B4GALT6: variants seen among roughly 807,000 people sequenced by gnomAD.
The protein encoded by B4GALT6 is beta-1,4-galactosyltransferase 6, also known as UDP-Gal:beta-GlcNAc beta-1,4-galactosyltransferase 6.
A neutral mutation model predicts 46.3 loss-of-function variants in B4GALT6; 14 were observed. The ratio of observed to expected loss-of-function variants is 0.30; its 90% CI spans 0.20 to 0.47. B4GALT6 has a LOEUF of 0.47. Ranked by LOEUF, B4GALT6 falls within the 20% of genes least tolerant of loss-of-function variation. The pLI, the probability that B4GALT6 is intolerant of heterozygous loss-of-function variation, is 0.99. For synonymous variants in B4GALT6, 168 were observed against 162.0 expected (o/e 1.04, Z -0.28); for missense variants, 386 against 480.1 (o/e 0.80, Z 1.83).
rs35690268 is a variant in B4GALT6, at chr18:31,659,949, CTT to C, written c.233-1862_233-1861del. On this transcript the variant is annotated intron_variant, in intron 2 of 8. Transcript: ENST00000306851. ...GTCCAATAAAGTTCTGATTCTTTTC[CTT>C]TTTTTTTTTTTTTTTTTTTGAGACA... Among the ~76,000 whole-genome samples the C allele has an allele frequency of 6.5e-3, 794 of 122,674 alleles. 5 individuals are homozygous for C. Among genetic ancestry groups the C allele is most frequent in the African/African-American group, 0.023 (705 of 30,438 alleles). The allele number at this position is 122,674 out of a possible 152,430, so 80.5% of individuals were successfully genotyped here.
chr18:31,702,889 A>T, the B4GALT6 span, among the ~76,000 whole-genome samples: 10 of 152,186 alleles, frequency 6.6e-5, no homozygotes, highest in African/African-American at 2.4e-4. Context: ...AATGGGAGGT[A>T]TGCAGCACAA....
the B4GALT6 span, among the ~76,000 whole-genome samples, chr18:31,709,546 G>GAC: frequency 4.8e-5 from 6 of 124,474 alleles, no homozygotes; most frequent in African/African-American, 1.9e-4. Flanking sequence ...GGATCAATAG[G>GAC]ATATATATGT....
At chr18:31,657,051 G>C (rs1012050317) in intron 3 of B4GALT6, among the ~76,000 whole-genome samples, 5 of 152,146 alleles carry the variant, frequency 3.3e-5, no homozygotes, top group Middle Eastern at 3.2e-3. Flanking sequence ...TTTGCTGTTA[G>C]GGATATAAAT....
rs577816414 is a variant in B4GALT6 at position 31,666,802 on chromosome 18, CATA to C, written c.116-433_116-431del. Among the ~76,000 whole-genome samples the C allele has an allele frequency of 3.6e-3, 552 of 152,110 alleles. 2 individuals are homozygous for C. Among genetic ancestry groups the C allele is most frequent in the African/African-American group, 0.013 (527 of 41,502 alleles). On this transcript the variant is annotated intron_variant, in intron 1 of 8. Transcript: ENST00000306851. ...AAAAGCTAGGATTCCTTATAAATCC[CATA>C]ATATCTAGTAGGAATAAAGATCTTG...
At chr18:31,642,809 C>T (rs1007818420) in intron 4 of B4GALT6, among the ~76,000 whole-genome samples, 4 of 152,152 alleles carry the variant, frequency 2.6e-5, no homozygotes, top group Admixed American at 1.3e-4. Flanking sequence ...CTCAGCCTCC[C>T]GAGTAGCTGG....
At chr18:31,687,767 C>T (rs1186015335), upstream of B4GALT6, among the ~76,000 whole-genome samples, 1 of 152,036 alleles carries the variant, frequency 6.6e-6, no homozygotes, top group Non-Finnish European at 1.5e-5. Flanking sequence ...GGGTATCAAA[C>T]TGAATAAATT....
chr18:31,681,208 C>T (rs767870382), intron 1 of B4GALT6, among the ~76,000 whole-genome samples: 3 of 152,162 alleles, frequency 2.0e-5, no homozygotes, highest in Non-Finnish European at 4.4e-5. Flanking sequence ...AAAATGACTA[C>T]GTTATATTGG....
the B4GALT6 span, among the ~76,000 whole-genome samples, chr18:31,710,048 T>C: frequency 6.7e-6 from 1 of 149,946 alleles, no homozygotes; most frequent in African/African-American, 2.5e-5. Flanking sequence ...TGAGCTGAGA[T>C]CATGCCATTG....
chr18:31,717,727 G>T, the B4GALT6 span, among the ~76,000 whole-genome samples: 1 of 152,122 alleles, frequency 6.6e-6, no homozygotes, highest in Non-Finnish European at 1.5e-5. Flanking sequence ...GGCCGAGGCA[G>T]GCGGATCACC....
chr18:31,708,352 G>A, the B4GALT6 span, among the ~76,000 whole-genome samples: 2 of 152,140 alleles, frequency 1.3e-5, no homozygotes, highest in Non-Finnish European at 2.9e-5. Context: ...ATCACTTGAG[G>A]CCAGGAGTTC....
intron 2 of B4GALT6, among the ~76,000 whole-genome samples, chr18:31,658,888 C>T (rs532721740): frequency 6.6e-6 from 1 of 152,040 alleles, no homozygotes; most frequent in Non-Finnish European, 1.5e-5. Flanking sequence ...TAGCTATGAG[C>T]GATTAGAGAT....
chr18:31,684,532 G>A lies in B4GALT6; in HGVS notation c.-106C>T. 1 of 1,508,154 alleles carries A rather than the reference G, an allele frequency of 6.6e-7. No individual in the cohort carries two copies. Among genetic ancestry groups the A allele is most frequent in the Non-Finnish European group, 8.9e-7 (1 of 1,126,900 alleles). 93.4% of individuals were successfully genotyped at this position (1,508,154 alleles called of 1,614,324 possible). On this transcript the variant is annotated 5_prime_UTR_variant, in exon 1 of 9. Coordinates refer to ENST00000306851, the MANE Select transcript of B4GALT6 (RefSeq NM_004775.5). Reference sequence around the variant, plus strand: ...ATGTGCTGAGAACCCCGAGACTGCAGCGGGGTCCGCGCGGGGAGGCTCTGG... The same window carrying A: ...ATGTGCTGAGAACCCCGAGACTGCAACGGGGTCCGCGCGGGGAGGCTCTGG...
At chr18:31,634,599 CTT>C (rs2073834743) in intron 5 of B4GALT6, among the ~76,000 whole-genome samples, 1 of 152,186 alleles carries the variant, frequency 6.6e-6, no homozygotes, top group Admixed American at 6.5e-5. Flanking sequence ...GGTTTAATAA[CTT>C]TTCAAAAGTT....
At chr18:31,719,013 C>T in the B4GALT6 span, 1 of 152,178 alleles carries the variant, frequency 6.6e-6, no homozygotes, top group Non-Finnish European at 1.5e-5. Flanking sequence ...GTGCGTCCCT[C>T]CTGAAGCTGC....
the B4GALT6 span, among the ~76,000 whole-genome samples, chr18:31,709,553 A>ATGTGTGTGTG: frequency 4.7e-5 from 6 of 126,816 alleles, no homozygotes; most frequent in African/African-American, 1.6e-4. Flanking sequence ...TAGGATATAT[A>ATGTGTGTGTG]TGTGTGTGTG....
the B4GALT6 span, among the ~76,000 whole-genome samples, chr18:31,696,820 G>A: frequency 6.6e-6 from 1 of 152,132 alleles, no homozygotes; most frequent in Non-Finnish European, 1.5e-5. Flanking sequence ...AAGGTCTGTG[G>A]ATATTAAACC....
chr18:31,638,425 G>A (rs927305300), intron 5 of B4GALT6, among the ~76,000 whole-genome samples: 1 of 152,160 alleles, frequency 6.6e-6, no homozygotes, highest in Non-Finnish European at 1.5e-5. Flanking sequence ...TACTTGGGAG[G>A]CTGAGGCAGG....
At chr18:31,641,203 ATAAAAAG>A (rs1351432003) in intron 4 of B4GALT6, among the ~76,000 whole-genome samples, 1 of 152,270 alleles carries the variant, frequency 6.6e-6, no homozygotes, top group African/African-American at 2.4e-5. Flanking sequence ...ATAAGGATAA[ATAAAAAG>A]TAAAGTTCTA....
chr18:31,713,575 G>A, the B4GALT6 span, among the ~76,000 whole-genome samples: 1 of 152,168 alleles, frequency 6.6e-6, no homozygotes, highest in Non-Finnish European at 1.5e-5. Context: ...AGCCTGCTAA[G>A]ACAGTTTGAA....
Sources: gnomAD v4.1 joint callset for allele counts (sites outside exome capture counted in the v4.1 genomes callset) on GRCh38, gnomAD v4.1.1 for gene constraint, MANE v1.5 for transcripts, NCBI Gene and HGNC (gene_info 2026-07-23, HGNC 2026-07-21) for gene names.